Variants in ARL15 observed in about 807,000 individuals in gnomAD.
The protein encoded by ARL15 is ARF like GTPase 15, also known as ADP-ribosylation factor-like protein 15.
A neutral mutation model predicts 25.2 loss-of-function variants in ARL15; 19 were observed. That is an observed-to-expected ratio of 0.75 (90% confidence interval 0.53 to 1.10). ARL15 has a LOEUF of 1.10. ARL15 is among the 50% of genes least tolerant of loss of function. The pLI, the probability that ARL15 is intolerant of heterozygous loss-of-function variation, is 0.00. For missense variants in ARL15, 220 were observed against 246.0 expected, an observed-to-expected ratio of 0.89 and a Z score of 0.71; for synonymous variants, 94 against 86.8, an observed-to-expected ratio of 1.08 and a Z score of -0.46.
chr5:53,912,382 T>A (rs1399104971), intron 4 of ARL15, among the ~76,000 whole-genome samples: 1 of 152,150 alleles, frequency 6.6e-6, no homozygotes, highest in East Asian at 1.9e-4. Context: ...AAAACGGTTT[T>A]CAATGAAAAA....
At chr5:54,187,317 C>G (rs1164835493) in intron 1 of ARL15, among the ~76,000 whole-genome samples, 1 of 152,118 alleles carries the variant, frequency 6.6e-6, no homozygotes, top group Admixed American at 6.5e-5. Flanking sequence ...AATTGCTGCC[C>G]CCTACCATCA....
intron 1 of ARL15, among the ~76,000 whole-genome samples, chr5:54,236,629 A>G (rs1756818222): frequency 6.6e-6 from 1 of 152,202 alleles, no homozygotes; most frequent in Admixed American, 6.5e-5. Context: ...ATAAATTTCT[A>G]TTGGCAACAC....
chr5:54,252,927 G>T (rs974942994), intron 1 of ARL15, among the ~76,000 whole-genome samples: 14 of 151,980 alleles, frequency 9.2e-5, no homozygotes, highest in Non-Finnish European at 1.8e-4. Context: ...GTTTTGCCAT[G>T]TTGCCCAGGC....
At chr5:54,036,158 GA>G (rs372984595) in intron 4 of ARL15, among the ~76,000 whole-genome samples, 4,549 of 123,574 alleles carry the variant, frequency 0.037, 203 homozygotes, top group African/African-American at 0.12. Flanking sequence ...TCGTAAAAAA[GA>G]AAAAAAAAAA....
intron 4 of ARL15, chr5:54,048,063 T>A (rs2084111082): frequency 6.6e-6 from 1 of 151,972 alleles, no homozygotes; most frequent in Admixed American, 6.6e-5. Flanking sequence ...TTCACAGGAG[T>A]AATCCCCCTG....
intron 1 of ARL15, among the ~76,000 whole-genome samples, chr5:54,200,495 A>G (rs1230366664): frequency 6.6e-6 from 1 of 150,778 alleles, no homozygotes; most frequent in Non-Finnish European, 1.5e-5. Flanking sequence ...AACTTATGCC[A>G]TGACTGGCAA....
In ARL15 at chr5:54,105,090, C is replaced by T. The variant is rs564193704; in HGVS notation, c.462+8112G>A. 1.6e-4 allele frequency among the ~76,000 whole-genome samples: 24 copies of T among 151,448 alleles called. No homozygotes were observed. In the South Asian group the frequency reaches 4.8e-3, roughly 30 times the overall value. ...ATTATAATAACTAACGCTTATTGTG[C>T]TTTTTATCTTCAAAGTACCTTACTG... On this transcript the variant is annotated intron_variant, in intron 4 of 4. Coordinates refer to ENST00000504924, the MANE Select transcript of ARL15 (RefSeq NM_019087.3).
intron 1 of ARL15, among the ~76,000 whole-genome samples, chr5:54,227,126 G>C (rs534888423): frequency 1.6e-4 from 25 of 152,168 alleles, no homozygotes; most frequent in Non-Finnish European, 3.2e-4. Context: ...TTAGTAGCAT[G>C]AGAACAGACT....
intron 1 of ARL15, among the ~76,000 whole-genome samples, chr5:54,218,275 TG>T (rs1756272110): frequency 6.6e-6 from 1 of 152,182 alleles, no homozygotes; most frequent in Non-Finnish European, 1.5e-5. Flanking sequence ...TAAAAAATTT[TG>T]AGTTGTTAAA....
intron 1 of ARL15, among the ~76,000 whole-genome samples, chr5:54,221,942 T>C (rs1246975424): frequency 6.6e-6 from 1 of 152,100 alleles, no homozygotes; most frequent in Non-Finnish European, 1.5e-5. Context: ...TGGAACATTT[T>C]TGAACAATGA....
intron 4 of ARL15, among the ~76,000 whole-genome samples, chr5:54,054,291 T>C (rs1750791107): frequency 1.3e-5 from 2 of 152,230 alleles, no homozygotes; most frequent in Non-Finnish European, 1.5e-5. Context: ...TTTTGAGCTT[T>C]ATAAAAATGG....
intron 1 of ARL15, among the ~76,000 whole-genome samples, chr5:54,180,745 A>G (rs886814545): frequency 1.3e-5 from 2 of 152,140 alleles, no homozygotes; most frequent in African/African-American, 4.8e-5. Flanking sequence ...CTCAATCCAC[A>G]TTCCTTTTTG....
At chr5:54,131,232 C>T (rs938299615) in intron 3 of ARL15, among the ~76,000 whole-genome samples, 2 of 152,186 alleles carry the variant, frequency 1.3e-5, no homozygotes, top group Non-Finnish European at 2.9e-5. Flanking sequence ...ATTAGCCTGT[C>T]ATTCAAGGCT....
intron 4 of ARL15, among the ~76,000 whole-genome samples, chr5:54,033,786 A>G (rs2111909212): frequency 6.6e-6 from 1 of 152,272 alleles, no homozygotes; most frequent in Admixed American, 6.5e-5. Flanking sequence ...ATTAGACATC[A>G]TTAAAATTTT....
intron 4 of ARL15, among the ~76,000 whole-genome samples, chr5:54,033,173 C>T (rs1176719680): frequency 2.6e-5 from 4 of 151,134 alleles, no homozygotes; most frequent in Non-Finnish European, 5.9e-5. Flanking sequence ...ATTCGCTGGG[C>T]GTGGTGGCGC....
At chr5:54,064,445 T>C (rs138648708) in intron 4 of ARL15, among the ~76,000 whole-genome samples, 1,807 of 152,262 alleles carry the variant, frequency 0.012, 19 homozygotes, top group Non-Finnish European at 0.019. Context: ...TTGGGAATAA[T>C]AGGTCCTGAG....
chr5:54,283,219 A>C (rs1758102264), intron 1 of ARL15, among the ~76,000 whole-genome samples: 3 of 152,232 alleles, frequency 2.0e-5, no homozygotes, highest in Admixed American at 6.5e-5. Context: ...AGGAAGACCA[A>C]GAAGTCGCAT....
intron 4 of ARL15, among the ~76,000 whole-genome samples, chr5:53,996,658 CT>C (rs961754751): frequency 2.0e-5 from 3 of 149,920 alleles, no homozygotes; most frequent in Admixed American, 2.0e-4. Flanking sequence ...ACCCCTTCAG[CT>C]TGTGACAAGC....
chr5:54,230,346 G>GAAAAAAAAAAAAAAAGAAAAGAAAAGAAA (rs1756633363), intron 1 of ARL15, among the ~76,000 whole-genome samples: 1 of 91,854 alleles, frequency 1.1e-5, no homozygotes, highest in Non-Finnish European at 2.1e-5. Flanking sequence ...TTCCATCTCA[G>GAAAAAAAAAAAAAAAGAAAAGAAAAGAAA]AAAAAAAAAA....
Sources: gnomAD v4.1 joint callset for allele counts (sites outside exome capture counted in the v4.1 genomes callset) on GRCh38, gnomAD v4.1.1 for gene constraint, MANE v1.5 for transcripts, NCBI Gene and HGNC (gene_info 2026-07-23, HGNC 2026-07-21) for gene names.